CHN2: variants seen among roughly 807,000 people sequenced by gnomAD.
CHN2 encodes beta-chimaerin.
CHN2 carries 35 observed loss-of-function variants against 56.3 expected under a neutral mutation model. The ratio of observed to expected loss-of-function variants is 0.62; its 90% confidence interval spans 0.47 to 0.82. CHN2 has a LOEUF of 0.82. Among genes scored for constraint, CHN2 ranks in the 40% least tolerant of loss-of-function variants. The pLI, the probability that CHN2 is intolerant of heterozygous loss-of-function variation, is 0.00. For synonymous variants in CHN2, 210 were observed against 212.8 expected, an observed-to-expected ratio of 0.99 and a Z score of 0.12; for missense variants, 491 against 580.5, an observed-to-expected ratio of 0.85 and a Z score of 1.58.
intron 8 of CHN2, 126 bp from the exon 9 acceptor site, chr7:29,499,741 G>A: frequency 1.3e-6 from 1 of 784,792 alleles, no homozygotes; most frequent in Non-Finnish European, 2.0e-6. Context: ...CTAGAAACGG[G>A]ATAGATGTTC....
chr7:29,211,202 C>G (rs995787090), intron 1 of CHN2, among the ~76,000 whole-genome samples: 1 of 151,684 alleles, frequency 6.6e-6, no homozygotes, highest in African/African-American at 2.4e-5. Context: ...TCCTGAGGAG[C>G]TGGGACTAAA....
At chr7:29,289,421 C>G (rs1014870077) in intron 1 of CHN2, among the ~76,000 whole-genome samples, 2 of 151,982 alleles carry the variant, frequency 1.3e-5, no homozygotes, top group Non-Finnish European at 1.5e-5. Flanking sequence ...CAGATGTCTC[C>G]GAGAGGGGGA....
intron 1 of CHN2, among the ~76,000 whole-genome samples, chr7:29,330,899 A>G (rs1796165468): frequency 6.6e-6 from 1 of 152,230 alleles, no homozygotes; most frequent in Admixed American, 6.5e-5. Context: ...ATTAGGTAGT[A>G]CGTAGCAAGG....
intron 1 of CHN2, among the ~76,000 whole-genome samples, chr7:29,254,904 G>T (rs959401231): frequency 4.6e-5 from 7 of 152,138 alleles, no homozygotes; most frequent in African/African-American, 9.7e-5. Flanking sequence ...AAGGAGATTG[G>T]TCAGAGTGCT....
intron 2 of CHN2, among the ~76,000 whole-genome samples, chr7:29,186,158 A>T (rs774286072): frequency 1.3e-5 from 2 of 152,076 alleles, no homozygotes; most frequent in African/African-American, 4.8e-5. Context: ...TAGTCTTCCT[A>T]TACTGTGCCT....
Position 29,423,982 on chromosome 7 carries a change from C to T in CHN2, c.576+23154C>T, listed in dbSNP as rs573020211. On this transcript the variant is annotated intron_variant, in intron 6 of 12. Transcript: ENST00000222792. Reference sequence around the variant, plus strand: ...CAAGGGAAGGACCATTCTTCTGCCTCCCACTCATGGTGGGCTACTTGGGGA... The same window carrying T: ...CAAGGGAAGGACCATTCTTCTGCCTTCCACTCATGGTGGGCTACTTGGGGA... 6.4e-4 allele frequency among the ~76,000 whole-genome samples: 98 copies of T among 152,316 alleles called. 2 individuals are homozygous for T. In the South Asian group the frequency reaches 0.011, roughly 17 times the overall value.
At chr7:29,405,167 ACACACACACACACACACACAC>A (rs1375517793) in intron 6 of CHN2, among the ~76,000 whole-genome samples, 5 of 59,142 alleles carry the variant, frequency 8.5e-5, no homozygotes, top group Non-Finnish European at 1.5e-4. Context: ...GTCACCATAC[ACACACACACACACACACACAC>A]ACACACACAC....
intron 9 of CHN2, among the ~76,000 whole-genome samples, chr7:29,500,476 A>C (rs1432366917): frequency 6.6e-6 from 1 of 152,150 alleles, no homozygotes; most frequent in Non-Finnish European, 1.5e-5. Flanking sequence ...TTCTTTTAAA[A>C]AATTAGCCAG....
chr7:29,481,657 CG>C (rs1445152775), intron 7 of CHN2, among the ~76,000 whole-genome samples: 3 of 60,902 alleles, frequency 4.9e-5, no homozygotes, highest in African/African-American at 5.6e-5. Context: ...AAATGCCTCC[CG>C]TTTTTTTTTT....
In CHN2 at chr7:29,165,461, T is replaced by G. The variant is rs564219056; in HGVS notation, c.274+18501T>G. On this transcript the variant is annotated intron_variant, in intron 2 of 6. Transcript: ENST00000439384. ...TAGATTTTTTTTAAATCACCTATACTGGTTCAAAGAATTTTCCACAGTCAT... is the reference window on the plus strand; with the variant it reads ...TAGATTTTTTTTAAATCACCTATACGGGTTCAAAGAATTTTCCACAGTCAT... 2.4e-3 allele frequency among the ~76,000 whole-genome samples: 370 copies of G among 152,318 alleles called. 1 individual carries two copies. Among genetic ancestry groups the G allele is most frequent in the Middle Eastern group, 3.4e-3 (1 of 294 alleles).
intron 1 of CHN2, among the ~76,000 whole-genome samples, chr7:29,241,859 T>C (rs1225304227): frequency 6.6e-6 from 1 of 152,008 alleles, no homozygotes; most frequent in East Asian, 1.9e-4. Context: ...TAAACAAAAA[T>C]CTCCTTTCTT....
chr7:29,172,841 AC>A (rs1026398649), intron 2 of CHN2, among the ~76,000 whole-genome samples: 2 of 151,958 alleles, frequency 1.3e-5, no homozygotes, highest in Non-Finnish European at 2.9e-5. Context: ...CTTTTCTGCC[AC>A]TTAAAAATGC....
At chr7:29,307,528 C>A (rs181689538) in intron 1 of CHN2, among the ~76,000 whole-genome samples, 8 of 152,186 alleles carry the variant, frequency 5.3e-5, no homozygotes, top group African/African-American at 1.7e-4. Context: ...AGTAAGATTG[C>A]TAACCAGGTG....
intron 1 of CHN2, among the ~76,000 whole-genome samples, chr7:29,322,488 C>T (rs1179930644): frequency 6.6e-6 from 1 of 152,226 alleles, no homozygotes; most frequent in Non-Finnish European, 1.5e-5. Context: ...TCCTCCTCTT[C>T]CTACTCCTCC....
At chr7:29,420,254 A>T (rs1217080826) in intron 6 of CHN2, among the ~76,000 whole-genome samples, 1 of 152,208 alleles carries the variant, frequency 6.6e-6, no homozygotes, top group Admixed American at 6.5e-5. Flanking sequence ...ATATGATCTA[A>T]CAATTCCACT....
intron 1 of CHN2, among the ~76,000 whole-genome samples, chr7:29,351,358 C>T (rs865814738): frequency 9.9e-5 from 15 of 152,252 alleles, no homozygotes; most frequent in Middle Eastern, 3.4e-3. Flanking sequence ...ACGTCAGGCA[C>T]CTGTCTAAAG....
rs145291328 is a variant in CHN2, at chr7:29,167,077, C to T, written c.274+20117C>T. Among the ~76,000 whole-genome samples the T allele has an allele frequency of 5.7e-4, 86 of 152,080 alleles. 2 individuals carry two copies. Among genetic ancestry groups the T allele is most frequent in the Middle Eastern group, 3.4e-3 (1 of 294 alleles). The stretch of plus-strand genomic sequence containing the variant: ...ATGTTTACAACTCCAAACAACTTGA[C>T]GAAAAGAATATTATCAATACCTTAA... On this transcript the variant is annotated intron_variant, in intron 2 of 6. Transcript: ENST00000439384.
At chr7:29,251,959 A>G (rs1341836091) in intron 1 of CHN2, among the ~76,000 whole-genome samples, 1 of 152,170 alleles carries the variant, frequency 6.6e-6, no homozygotes, top group Non-Finnish European at 1.5e-5. Context: ...AATCTTACAC[A>G]TGCTATATAT....
exon 1 of CHN2, chr7:29,146,628 C>T: frequency 1.9e-6 from 3 of 1,550,578 alleles, no homozygotes; most frequent in Non-Finnish European, 8.7e-7. Context: ...CGTGTCCCAA[C>T]CTCCTGGTCC....
Sources: allele counts gnomAD v4.1 joint callset (sites outside exome capture counted in the v4.1 genomes callset), GRCh38; gene constraint gnomAD v4.1.1; transcripts MANE v1.5; gene names NCBI Gene and HGNC (gene_info 2026-07-23, HGNC 2026-07-21).